LYZL4: variants seen among roughly 807,000 people sequenced by gnomAD.
LYZL4 encodes lysozyme-like protein 4.
A neutral mutation model predicts 17.6 loss-of-function variants in LYZL4; 13 were observed. That is an observed-to-expected ratio of 0.74 (90% confidence interval 0.48 to 1.18). LYZL4 has a LOEUF of 1.18. Among genes scored for constraint, LYZL4 ranks in the 50% most tolerant of loss-of-function variants. LYZL4 has a pLI of 0.00. For missense variants in LYZL4, 174 were observed against 188.2 expected, an observed-to-expected ratio of 0.92 and a Z score of 0.44; for synonymous variants, 64 against 67.7, an observed-to-expected ratio of 0.95 and a Z score of 0.27.
chr3:42,370,473 A>G, the LYZL4 span, among the ~76,000 whole-genome samples: 1 of 152,214 alleles, frequency 6.6e-6, no homozygotes, highest in East Asian at 1.9e-4. Flanking sequence ...TCCAGGGAGA[A>G]CAAAGAGATA....
chr3:42,403,245 A>G (rs1577154682), intron 4 of LYZL4, among the ~76,000 whole-genome samples: 2 of 151,990 alleles, frequency 1.3e-5, no homozygotes, highest in South Asian at 2.1e-4. Context: ...AAAAGAAGAT[A>G]AGACAAAATT....
At chr3:42,379,295 A>T in the LYZL4 span, among the ~76,000 whole-genome samples, 2 of 152,310 alleles carry the variant, frequency 1.3e-5, no homozygotes, top group African/African-American at 4.8e-5. Flanking sequence ...CAGCTCGGAC[A>T]TCTCCTCAAC....
chr3:42,398,989 G>A (rs775679945), intron 4 of LYZL4, among the ~76,000 whole-genome samples: 4 of 152,044 alleles, frequency 2.6e-5, no homozygotes, highest in African/African-American at 4.8e-5. Context: ...CACATAAAAG[G>A]TCAACATGAA....
intron 4 of LYZL4, among the ~76,000 whole-genome samples, chr3:42,402,109 T>C (rs1698664174): frequency 6.7e-6 from 1 of 149,014 alleles, no homozygotes; most frequent in Non-Finnish European, 1.5e-5. Context: ...TAAGAACTTC[T>C]GTTTATCAAG....
the LYZL4 span, among the ~76,000 whole-genome samples, chr3:42,379,813 T>A: frequency 6.6e-6 from 1 of 152,176 alleles, no homozygotes; most frequent in Non-Finnish European, 1.5e-5. Flanking sequence ...TAATCCTCAA[T>A]GTGATGGTAT....
intron 2 of LYZL4, 34 bp downstream of exon 2, chr3:42,407,079 T>C (rs771742329): frequency 6.2e-7 from 1 of 1,613,198 alleles, no homozygotes; most frequent in South Asian, 1.1e-5. Context: ...GGCAAGGAGG[T>C]GAGAGGAGGG....
chr3:42,403,871 T>G (rs1215164192), intron 4 of LYZL4, among the ~76,000 whole-genome samples, 175 bp downstream of exon 4: 2 of 152,186 alleles, frequency 1.3e-5, no homozygotes, highest in Non-Finnish European at 2.9e-5. Flanking sequence ...CTCTGATAAT[T>G]ATTTCCTTCC....
chr3:42,362,076 G>A, the LYZL4 span, among the ~76,000 whole-genome samples: 1 of 152,108 alleles, frequency 6.6e-6, no homozygotes. Flanking sequence ...ATTTGAAACA[G>A]TTTGACAATG....
At chr3:42,390,810 G>A in the LYZL4 span, among the ~76,000 whole-genome samples, 1 of 152,194 alleles carries the variant, frequency 6.6e-6, no homozygotes, top group African/African-American at 2.4e-5. Flanking sequence ...ACCATGGGAT[G>A]TATTAACTAA....
the LYZL4 span, among the ~76,000 whole-genome samples, chr3:42,374,657 C>T: frequency 6.6e-6 from 1 of 152,204 alleles, no homozygotes; most frequent in Non-Finnish European, 1.5e-5. Flanking sequence ...CTCCCTTCAG[C>T]TCACCTCAGT....
the LYZL4 span, among the ~76,000 whole-genome samples, chr3:42,391,600 C>T: frequency 2.0e-5 from 3 of 152,044 alleles, no homozygotes; most frequent in African/African-American, 4.8e-5. Context: ...AACATGCTTC[C>T]AATAAAGTGG....
At chr3:42,371,394 G>A in the LYZL4 span, among the ~76,000 whole-genome samples, 479 of 152,266 alleles carry the variant, frequency 3.1e-3, 1 homozygote, top group African/African-American at 0.011. Flanking sequence ...CCAAGCTCAG[G>A]GCCTGGAACA....
At chr3:42,405,092 A>G (rs925799893) in intron 3 of LYZL4, among the ~76,000 whole-genome samples, 17 of 151,994 alleles carry the variant, frequency 1.1e-4, no homozygotes, top group African/African-American at 4.1e-4. Flanking sequence ...TCTGTCTCCC[A>G]GGCTGGAGTA....
At chr3:42,403,581 T>C (rs1698697678) in intron 4 of LYZL4, among the ~76,000 whole-genome samples, 1 of 152,168 alleles carries the variant, frequency 6.6e-6, no homozygotes, top group Admixed American at 6.5e-5. Flanking sequence ...CAGCCAGTTA[T>C]TCACCTTTAA....
At chr3:42,401,476 A>G (rs1223509979) in intron 4 of LYZL4, among the ~76,000 whole-genome samples, 1 of 152,168 alleles carries the variant, frequency 6.6e-6, no homozygotes, top group Non-Finnish European at 1.5e-5. Context: ...TCAGCCTCCC[A>G]AAGTGCTGGG....
At chr3:42,406,153 C>T (rs918569831) in intron 3 of LYZL4, among the ~76,000 whole-genome samples, 2 of 152,080 alleles carry the variant, frequency 1.3e-5, no homozygotes, top group Non-Finnish European at 2.9e-5. Context: ...AGCAACTGCC[C>T]CCTTGAAAAA....
the LYZL4 span, among the ~76,000 whole-genome samples, chr3:42,369,601 G>A: frequency 1.3e-5 from 2 of 152,222 alleles, no homozygotes; most frequent in Non-Finnish European, 2.9e-5. Flanking sequence ...TGTCCTCCCA[G>A]AGGAACCCCA....
chr3:42,394,089 G>A (rs774969453), downstream of LYZL4, among the ~76,000 whole-genome samples: 14 of 152,132 alleles, frequency 9.2e-5, no homozygotes, highest in Admixed American at 1.3e-4. Context: ...CACCGTGCCC[G>A]GCCTGCCCCA....
chr3:42,388,227 G>A, the LYZL4 span, among the ~76,000 whole-genome samples: 16 of 152,278 alleles, frequency 1.1e-4, no homozygotes, highest in South Asian at 2.3e-3. Context: ...CTAGCTATGC[G>A]CACTCTTGTC....
Sources: gnomAD v4.1 joint callset for allele counts (sites outside exome capture counted in the v4.1 genomes callset) on GRCh38, gnomAD v4.1.1 for gene constraint, MANE v1.5 for transcripts, NCBI Gene and HGNC (gene_info 2026-07-23, HGNC 2026-07-21) for gene names.